Variants in XKR4 observed in about 807,000 individuals in gnomAD.
XKR4 encodes the protein XK-related protein 4.
A neutral mutation model predicts 53.9 loss-of-function variants in XKR4; 12 were observed. That is an observed-to-expected ratio of 0.22 (90% CI 0.14 to 0.36). XKR4 has a LOEUF of 0.36. XKR4 is among the 10% of genes least tolerant of loss of function. The pLI is 1.00. For missense variants in XKR4, 799 were observed against 859.5 expected (o/e 0.93, Z 0.88); for synonymous variants, 354 against 362.4 (o/e 0.98, Z 0.26).
At chr8:55,342,419 T>C (rs1803566996) in intron 1 of XKR4, among the ~76,000 whole-genome samples, 3 of 152,122 alleles carry the variant, frequency 2.0e-5, no homozygotes, top group Admixed American at 2.0e-4. Flanking sequence ...CTGGAAGTCC[T>C]CATGAGATGT....
At chr8:55,249,941 G>C (rs1818342043) in intron 1 of XKR4, among the ~76,000 whole-genome samples, 1 of 152,098 alleles carries the variant, frequency 6.6e-6, no homozygotes, top group South Asian at 2.1e-4. Context: ...TCAGTAACCA[G>C]GAAACTACTT....
chr8:55,212,336 G>A (rs1459483249), intron 1 of XKR4, among the ~76,000 whole-genome samples: 1 of 152,208 alleles, frequency 6.6e-6, no homozygotes, highest in Non-Finnish European at 1.5e-5. Context: ...ACAGGAGATA[G>A]CTTTGCAGGG....
intron 1 of XKR4, among the ~76,000 whole-genome samples, chr8:55,316,361 C>T (rs958628210): frequency 6.6e-6 from 1 of 152,192 alleles, no homozygotes; most frequent in African/African-American, 2.4e-5. Flanking sequence ...TCTCCTCATT[C>T]ATGATTCCTG....
intron 1 of XKR4, among the ~76,000 whole-genome samples, chr8:55,285,981 T>A (rs1051923510): frequency 6.6e-6 from 1 of 152,226 alleles, no homozygotes; most frequent in African/African-American, 2.4e-5. Context: ...GAAAGCAGGC[T>A]CACAGGAATT....
At chr8:55,356,479 A>C (rs762559227) in intron 1 of XKR4, among the ~76,000 whole-genome samples, 1 of 152,242 alleles carries the variant, frequency 6.6e-6, no homozygotes, top group Non-Finnish European at 1.5e-5. Flanking sequence ...TAAGATACAT[A>C]TCAAATAATC....
rs149193331 is a variant in XKR4 at position 55,539,252 on chromosome 8, A to T, written c.*15025A>T. 1.3e-5 allele frequency: 2 copies of T among 152,376 alleles called. No homozygotes were observed. Among genetic ancestry groups the T allele is most frequent in the Non-Finnish European group, 2.9e-5 (2 of 68,032 alleles). The allele number at this position is 152,376 out of a possible 1,614,324, so 9.4% of individuals were successfully genotyped here. On this transcript the variant is annotated 3_prime_UTR_variant, in exon 3 of 3. Coordinates refer to ENST00000327381, the MANE Select transcript of XKR4 (RefSeq NM_052898.2). ...GACTAGCAAAGCAGATAATGTTTTCATGATATGGCTTCATGAGGCAAAGTT... is the reference window on the plus strand; with the variant it reads ...GACTAGCAAAGCAGATAATGTTTTCTTGATATGGCTTCATGAGGCAAAGTT...
chr8:55,304,210 A>G (rs1409256499), intron 1 of XKR4, among the ~76,000 whole-genome samples: 1 of 152,024 alleles, frequency 6.6e-6, no homozygotes, highest in East Asian at 1.9e-4. Flanking sequence ...CTTTGTTCTC[A>G]TTGGTTTCAA....
At chr8:55,292,527 T>A (rs1157232026) in intron 1 of XKR4, among the ~76,000 whole-genome samples, 2 of 152,182 alleles carry the variant, frequency 1.3e-5, no homozygotes, top group East Asian at 3.8e-4. Flanking sequence ...ACTGGTAATG[T>A]GTGTTCTCTC....
intron 1 of XKR4, among the ~76,000 whole-genome samples, chr8:55,321,456 C>T (rs1803211035): frequency 6.6e-6 from 1 of 152,144 alleles, no homozygotes; most frequent in African/African-American, 2.4e-5. Context: ...AAGCTGTTCT[C>T]ACGGAGGGTG....
intron 1 of XKR4, among the ~76,000 whole-genome samples, chr8:55,128,635 C>T (rs1563463380): frequency 6.6e-6 from 1 of 152,208 alleles, no homozygotes; most frequent in Non-Finnish European, 1.5e-5. Context: ...TCTTGGATGA[C>T]TGTTTAAACT....
chr8:55,145,244 A>G (rs1304943966), intron 1 of XKR4, among the ~76,000 whole-genome samples: 2 of 152,098 alleles, frequency 1.3e-5, no homozygotes, highest in Non-Finnish European at 1.5e-5. Flanking sequence ...TCATTTAAAC[A>G]TTTTAATCCA....
At chr8:55,477,162 C>A (rs1299233070) in intron 2 of XKR4, among the ~76,000 whole-genome samples, 1 of 152,094 alleles carries the variant, frequency 6.6e-6, no homozygotes, top group Non-Finnish European at 1.5e-5. Flanking sequence ...AGACTGACAC[C>A]TCACACAGCC....
intron 1 of XKR4, among the ~76,000 whole-genome samples, chr8:55,288,389 A>G (rs1289851418): frequency 1.3e-5 from 2 of 152,260 alleles, no homozygotes; most frequent in African/African-American, 4.8e-5. Flanking sequence ...TGTAAAATTC[A>G]TTTAATTCAC....
At chr8:55,239,736 T>C (rs1818181845) in intron 1 of XKR4, among the ~76,000 whole-genome samples, 1 of 152,262 alleles carries the variant, frequency 6.6e-6, no homozygotes, top group Non-Finnish European at 1.5e-5. Flanking sequence ...CTTCTTGGTA[T>C]ATTATAATCA....
chr8:55,249,847 A>G (rs914236131), intron 1 of XKR4, among the ~76,000 whole-genome samples: 3 of 152,204 alleles, frequency 2.0e-5, no homozygotes, highest in Non-Finnish European at 2.9e-5. Context: ...ACTTTCATTT[A>G]TATAGAGAAT....
At chr8:55,323,976 A>G (rs1019828510) in intron 1 of XKR4, among the ~76,000 whole-genome samples, 5 of 151,780 alleles carry the variant, frequency 3.3e-5, no homozygotes, top group African/African-American at 1.2e-4. Flanking sequence ...TTCCTCTGCT[A>G]GGAATGTCAA....
At chr8:55,473,799 C>T (rs965498393) in intron 2 of XKR4, among the ~76,000 whole-genome samples, 3 of 150,282 alleles carry the variant, frequency 2.0e-5, no homozygotes, top group African/African-American at 4.9e-5. Flanking sequence ...TCTTTCCTTC[C>T]TTCCTTCCTT....
chr8:55,102,083 C>T lies in XKR4; in HGVS notation c.-406C>T, dbSNP rs1816046894. 6.6e-6 allele frequency among the ~76,000 whole-genome samples: 1 copy of T among 151,372 alleles called. No individual in the cohort carries two copies. Among genetic ancestry groups the T allele is most frequent in the South Asian group, 2.1e-4 (1 of 4,796 alleles). The stretch of plus-strand genomic sequence containing the variant: ...AGAGGAAGCGGGAGGAGGGAGCGCG[C>T]GCGAGGGGAGGAGAGGAATGTGCAG... On this transcript the variant is annotated 5_prime_UTR_variant, in exon 1 of 3. Coordinates refer to ENST00000327381, the MANE Select transcript of XKR4 (RefSeq NM_052898.2). This position sits in a 1 kb window ranked among gnomAD's most constrained non-coding sequence, Gnocchi z 5.1.
intron 2 of XKR4, among the ~76,000 whole-genome samples, chr8:55,369,845 C>G (rs1452131601): frequency 6.6e-6 from 1 of 151,914 alleles, no homozygotes; most frequent in Non-Finnish European, 1.5e-5. Flanking sequence ...ACTTCTGAAA[C>G]CATAAGTTAT....
Sources: gnomAD v4.1 joint callset for allele counts (sites outside exome capture counted in the v4.1 genomes callset) on GRCh38, gnomAD v4.1.1 for gene constraint, Gnocchi (gnomAD v3.1) non-coding constraint, MANE v1.5 for transcripts, NCBI Gene and HGNC (gene_info 2026-07-23, HGNC 2026-07-21) for gene names.